The following RUNDC3B variants were observed in gnomAD, a reference collection of about 807,000 sequenced individuals.
RUNDC3B encodes the protein RUN domain-containing protein 3B.
A neutral mutation model predicts 58.4 loss-of-function variants in RUNDC3B; 33 were observed. That is an observed-to-expected ratio of 0.56 (90% confidence interval 0.43 to 0.75). The LOEUF (loss-of-function observed/expected upper bound fraction) is 0.75, where lower values mean the gene tolerates loss of function less well. Among genes scored for constraint, RUNDC3B ranks in the 30% least tolerant of loss-of-function variants. The probability of loss-of-function intolerance (pLI) is 0.00; values close to 1 mark genes in which losing one functional copy is unlikely to be tolerated. For synonymous variants in RUNDC3B, 193 were observed against 195.2 expected (o/e 0.99, Z 0.10); for missense variants, 501 against 535.7 (o/e 0.94, Z 0.64).
rs76957723 is a variant in RUNDC3B at position 87,682,246 on chromosome 7, G to A, written c.239-18175G>A. 2.6e-5 allele frequency among the ~76,000 whole-genome samples: 4 copies of A among 152,138 alleles called. No individual in the cohort carries two copies. In the East Asian group the frequency reaches 5.8e-4, roughly 22 times the overall value. On this transcript the variant is annotated intron_variant, in intron 2 of 10. Coordinates refer to ENST00000394654, the MANE Select transcript of RUNDC3B (RefSeq NM_001134405.2). ...CAATGACTCCTTCCACCAAAGTCTT[G>A]AACCCCTCTAAGTCATCCATGAGAG...
chr7:87,819,215 A>G (rs1157637088), intron 10 of RUNDC3B, among the ~76,000 whole-genome samples: 1 of 152,136 alleles, frequency 6.6e-6, no homozygotes, highest in Non-Finnish European at 1.5e-5. Flanking sequence ...ACACCATTAG[A>G]GGGTAATTGA....
intron 8 of RUNDC3B, among the ~76,000 whole-genome samples, chr7:87,791,070 A>G (rs999195032): frequency 1.3e-5 from 2 of 152,162 alleles, no homozygotes; most frequent in African/African-American, 2.4e-5. Context: ...GGATAAAGAA[A>G]GGGTCCTAAA....
chr7:87,737,044 T>C (rs1200701939), intron 4 of RUNDC3B, among the ~76,000 whole-genome samples: 2 of 150,588 alleles, frequency 1.3e-5, no homozygotes, highest in African/African-American at 4.9e-5. Context: ...ACTGCAGGCA[T>C]GTGCCACCAC....
At chr7:87,745,131 A>G (rs1211083534) in intron 6 of RUNDC3B, among the ~76,000 whole-genome samples, 11 of 152,144 alleles carry the variant, frequency 7.2e-5, no homozygotes, top group Non-Finnish European at 1.3e-4. Context: ...ATTGACTTGC[A>G]TATGTTAAAG....
At chr7:87,745,838 C>A (rs1304353720) in intron 6 of RUNDC3B, among the ~76,000 whole-genome samples, 3 of 151,924 alleles carry the variant, frequency 2.0e-5, no homozygotes, top group Non-Finnish European at 4.4e-5. Context: ...CTTTCTTCTG[C>A]TAGGTCTGTG....
At position 87,628,408 on chromosome 7, in the gene RUNDC3B, C is replaced by A. The variant is rs1008733901; in HGVS notation, c.-416C>A. On this transcript the variant is annotated 5_prime_UTR_variant, in exon 1 of 11. Transcript: ENST00000394654. ...GAGGCCGGGGGCCTTGCCGCTGCCT[C>A]CCGGGCTGGGGCACGAGTGGCTGCG... 1 of 159,186 alleles carries A rather than the reference C, an allele frequency of 6.3e-6. No individual in the cohort carries two copies. The highest frequency in any genetic ancestry group is 1.4e-5 in the Non-Finnish European group (1 of 72,910). The allele number at this position is 159,186 out of a possible 1,614,324, so 9.9% of individuals were successfully genotyped here.
intron 4 of RUNDC3B, among the ~76,000 whole-genome samples, chr7:87,715,320 A>AATAATTATATATAATTAATTT (rs1830473849): frequency 8.3e-6 from 1 of 121,036 alleles, no homozygotes; most frequent in African/African-American, 3.5e-5. Flanking sequence ...ATTAATTTAT[A>AATAATTATATATAATTAATTT]ATAATTATAT....
chr7:87,687,751 T>C (rs1438888333), intron 2 of RUNDC3B, among the ~76,000 whole-genome samples: 1 of 152,162 alleles, frequency 6.6e-6, no homozygotes, highest in Non-Finnish European at 1.5e-5. Context: ...TCTAATCCAA[T>C]TGAACTGTTA....
intron 10 of RUNDC3B, among the ~76,000 whole-genome samples, chr7:87,822,798 A>C (rs962063182): frequency 5.9e-5 from 9 of 152,206 alleles, no homozygotes; most frequent in African/African-American, 2.2e-4. Context: ...ACAAAAAACC[A>C]AACACTGCAT....
intron 4 of RUNDC3B, among the ~76,000 whole-genome samples, chr7:87,735,637 T>C (rs1440232694): frequency 6.6e-6 from 1 of 152,162 alleles, no homozygotes; most frequent in Non-Finnish European, 1.5e-5. Flanking sequence ...TGCCTGCCAC[T>C]CAAGAAGTGT....
chr7:87,792,258 T>C (rs1835565218), intron 8 of RUNDC3B, among the ~76,000 whole-genome samples: 1 of 152,084 alleles, frequency 6.6e-6, no homozygotes, highest in African/African-American at 2.4e-5. Flanking sequence ...CTGAATACAA[T>C]AATAGCTGGA....
chr7:87,747,370 C>A (rs567977034), intron 6 of RUNDC3B, among the ~76,000 whole-genome samples: 1 of 151,990 alleles, frequency 6.6e-6, no homozygotes, highest in African/African-American at 2.4e-5. Flanking sequence ...CCTGTTCTGG[C>A]GGAGGTAGCA....
intron 2 of RUNDC3B, 80 bp from the exon 3 acceptor site, chr7:87,700,341 A>C: frequency 8.0e-7 from 1 of 1,243,320 alleles, no homozygotes; most frequent in South Asian, 1.5e-5. Flanking sequence ...TTTATTTTTC[A>C]GAATTTTATT....
intron 4 of RUNDC3B, among the ~76,000 whole-genome samples, chr7:87,738,208 A>T (rs17329472): frequency 0.015 from 2,295 of 151,416 alleles, 29 homozygotes; most frequent in Non-Finnish European, 0.024. Context: ...TTAGAAGCAT[A>T]GTTCTTCCAG....
At chr7:87,725,104 A>T (rs1387327259) in intron 4 of RUNDC3B, among the ~76,000 whole-genome samples, 1 of 152,108 alleles carries the variant, frequency 6.6e-6, no homozygotes. Context: ...ATTGTTTTTT[A>T]TTATACTTTA....
Position 87,807,526 on chromosome 7 carries a change from G to A in RUNDC3B, c.1103+7G>A. The A allele has an allele frequency of 1.2e-6, 2 of 1,609,072 alleles. No homozygotes were observed. The highest frequency in any genetic ancestry group is 1.7e-6 in the Non-Finnish European group (2 of 1,175,668). ...ACAATAAACAGTGGTATGAGTAAGT[G>A]TAATACTTTTTTTTCCAACTAATTA... On this transcript the variant is annotated splice_region_variant and intron_variant, in intron 9 of 10. Coordinates refer to ENST00000394654, the MANE Select transcript of RUNDC3B (RefSeq NM_001134405.2).
At chr7:87,779,449 A>G (rs1018507692) in intron 8 of RUNDC3B, among the ~76,000 whole-genome samples, 1 of 152,152 alleles carries the variant, frequency 6.6e-6, no homozygotes, top group African/African-American at 2.4e-5. Context: ...GGATTACAAC[A>G]TAAGTAGTTA....
At chr7:87,724,958 T>C (rs1195400727) in intron 4 of RUNDC3B, among the ~76,000 whole-genome samples, 1 of 152,034 alleles carries the variant, frequency 6.6e-6, no homozygotes, top group Admixed American at 6.6e-5. Flanking sequence ...GAATTATTAA[T>C]ATTACAATAA....
chr7:87,632,223 T>A (rs989957266), intron 1 of RUNDC3B, among the ~76,000 whole-genome samples: 1 of 152,200 alleles, frequency 6.6e-6, no homozygotes, highest in Non-Finnish European at 1.5e-5. Context: ...CAGTTTAGGT[T>A]TAAAGTCTTC....
Sources: gnomAD v4.1 joint callset for allele counts (sites outside exome capture counted in the v4.1 genomes callset) on GRCh38, gnomAD v4.1.1 for gene constraint, MANE v1.5 for transcripts, NCBI Gene and HGNC (gene_info 2026-07-23, HGNC 2026-07-21) for gene names.